HHAT: variants seen among roughly 807,000 people sequenced by gnomAD.
HHAT encodes protein-cysteine N-palmitoyltransferase HHAT.
HHAT carries 47 observed loss-of-function variants against 70.8 expected under a neutral mutation model. The ratio of observed to expected loss-of-function variants is 0.66; its 90% confidence interval spans 0.53 to 0.85. The LOEUF (loss-of-function observed/expected upper bound fraction) is 0.85. Among genes scored for constraint, HHAT ranks in the 40% least tolerant of loss-of-function variants. The pLI is 0.00. For missense variants in HHAT, 609 were observed against 604.8 expected (o/e 1.01, Z -0.07); for synonymous variants, 228 against 247.6 (o/e 0.92, Z 0.74).
chr1:210,358,140 C>G (rs1343647407), intron 2 of HHAT, among the ~76,000 whole-genome samples: 2 of 152,222 alleles, frequency 1.3e-5, no homozygotes, highest in Non-Finnish European at 2.9e-5. Flanking sequence ...GCTCCTCATT[C>G]CTTCTGTTTC....
chr1:210,521,888 G>T (rs906474596), intron 9 of HHAT, among the ~76,000 whole-genome samples: 3 of 152,122 alleles, frequency 2.0e-5, no homozygotes, highest in Non-Finnish European at 4.4e-5. Context: ...GATGGTAATG[G>T]GAAGTTAATT....
chr1:210,618,985 A>G (rs1300215027), intron 10 of HHAT, among the ~76,000 whole-genome samples: 1 of 152,200 alleles, frequency 6.6e-6, no homozygotes, highest in African/African-American at 2.4e-5. Context: ...TTTAAAGCCA[A>G]GTGTTGCCAT....
chr1:210,461,159 G>A (rs181017205), intron 7 of HHAT, among the ~76,000 whole-genome samples: 64 of 152,298 alleles, frequency 4.2e-4, no homozygotes, highest in African/African-American at 1.4e-3. Context: ...GTCATTTATA[G>A]TCTTATGTTG....
chr1:210,474,478 TTTAAC>T (rs1172004152), intron 8 of HHAT, among the ~76,000 whole-genome samples: 1 of 152,040 alleles, frequency 6.6e-6, no homozygotes, highest in Non-Finnish European at 1.5e-5. Flanking sequence ...GAAATATAGG[TTTAAC>T]TTAATTTTTT....
At chr1:210,619,273 A>G (rs1320839605) in intron 10 of HHAT, among the ~76,000 whole-genome samples, 1 of 151,714 alleles carries the variant, frequency 6.6e-6, no homozygotes, top group Non-Finnish European at 1.5e-5. Flanking sequence ...AATGAGCCCC[A>G]CCTCCCATTC....
intron 7 of HHAT, among the ~76,000 whole-genome samples, chr1:210,455,043 G>A (rs2148408938): frequency 6.6e-6 from 1 of 152,308 alleles, no homozygotes; most frequent in South Asian, 2.1e-4. Context: ...TAAGGACAAA[G>A]CAGGGGAGGC....
chr1:210,377,290 ATTTG>A (rs1012772522), intron 3 of HHAT, among the ~76,000 whole-genome samples: 64 of 152,186 alleles, frequency 4.2e-4, no homozygotes, highest in African/African-American at 1.5e-3. Context: ...ATCATCTCCA[ATTTG>A]TTTATCACCT....
intron 1 of HHAT, 22 bp downstream of exon 1, chr1:210,329,126 G>A (rs772141181): frequency 1.4e-5 from 19 of 1,324,952 alleles, no homozygotes; most frequent in South Asian, 4.0e-5. Context: ...GTGACCATAG[G>A]GGGTCCTGGG....
At chr1:210,652,278 G>A (rs939935203) in intron 11 of HHAT, among the ~76,000 whole-genome samples, 6 of 152,202 alleles carry the variant, frequency 3.9e-5, no homozygotes, top group Admixed American at 6.5e-5. Flanking sequence ...CTCTCTAGCC[G>A]AAGGGTCTTA....
chr1:210,631,234 C>A, intron 11 of HHAT: 1 of 403,376 alleles, frequency 2.5e-6, no homozygotes, highest in Non-Finnish European at 4.9e-6. Flanking sequence ...CTCTGTGAGG[C>A]CTAAATCATG....
chr1:210,648,837 CA>C (rs1461177505), intron 11 of HHAT, among the ~76,000 whole-genome samples: 2 of 152,168 alleles, frequency 1.3e-5, no homozygotes, highest in Non-Finnish European at 2.9e-5. Context: ...GTGCATTATG[CA>C]AAATGCAAAA....
intron 8 of HHAT, among the ~76,000 whole-genome samples, chr1:210,465,463 C>T (rs975418806): frequency 7.2e-5 from 11 of 152,222 alleles, no homozygotes; most frequent in African/African-American, 2.7e-4. Flanking sequence ...AGGGTCAGCA[C>T]TGGCACAACC....
chr1:210,515,627 G>A (rs548371744), intron 9 of HHAT, among the ~76,000 whole-genome samples: 1 of 151,918 alleles, frequency 6.6e-6, no homozygotes, highest in East Asian at 1.9e-4. Context: ...GCATGGTGGC[G>A]GGCTCCTGTA....
At chr1:210,329,777 C>T (rs755483454) in intron 1 of HHAT, among the ~76,000 whole-genome samples, 1 of 152,144 alleles carries the variant, frequency 6.6e-6, no homozygotes, top group Non-Finnish European at 1.5e-5. Flanking sequence ...GGCGGAGTTT[C>T]GCTCTGGTCG....
intron 9 of HHAT, among the ~76,000 whole-genome samples, chr1:210,586,275 CA>C (rs556222842): frequency 2.0e-5 from 3 of 152,016 alleles, no homozygotes; most frequent in East Asian, 3.9e-4. Context: ...ATCATCTCTA[CA>C]AAAAAAGTTT....
At chr1:210,419,040 GAAT>G (rs1201499802) in intron 7 of HHAT, among the ~76,000 whole-genome samples, 3 of 151,888 alleles carry the variant, frequency 2.0e-5, no homozygotes, top group African/African-American at 4.8e-5. Context: ...CTCAAAAAAA[GAAT>G]GAGTTTCAGG....
upstream of HHAT, among the ~76,000 whole-genome samples, chr1:210,327,563 T>G (rs1025746565): frequency 1.3e-5 from 2 of 152,206 alleles, no homozygotes; most frequent in Non-Finnish European, 2.9e-5. Flanking sequence ...TGGAGTGCAG[T>G]GGTGCGATCT....
intron 11 of HHAT, among the ~76,000 whole-genome samples, chr1:210,668,914 C>A (rs892942792): frequency 6.6e-6 from 1 of 152,174 alleles, no homozygotes; most frequent in Non-Finnish European, 1.5e-5. Context: ...GCTGGGATTA[C>A]AGGCACCTGC....
At chr1:210,436,586 T>C (rs1028841148) in intron 7 of HHAT, among the ~76,000 whole-genome samples, 1 of 151,636 alleles carries the variant, frequency 6.6e-6, no homozygotes, top group Admixed American at 6.6e-5. Context: ...TCTGTGTTCT[T>C]TTTGTCTTCG....
Sources: gnomAD v4.1 joint callset for allele counts (sites outside exome capture counted in the v4.1 genomes callset) on GRCh38, gnomAD v4.1.1 for gene constraint, MANE v1.5 for transcripts, NCBI Gene and HGNC (gene_info 2026-07-23, HGNC 2026-07-21) for gene names.